Variants in MGST1 observed in about 807,000 individuals in gnomAD.
MGST1 encodes glutathione S-transferase 12.
A neutral mutation model predicts 8.9 loss-of-function variants in MGST1; 5 were observed. The observed-to-expected ratio is 0.56, with a 90% CI of 0.29 to 1.19. The LOEUF is 1.19. Among genes scored for constraint, MGST1 ranks in the 50% most tolerant of loss-of-function variants. The probability of loss-of-function intolerance (pLI) is 0.08; values close to 1 mark genes in which losing one functional copy is unlikely to be tolerated. For synonymous variants in MGST1, 54 were observed against 67.8 expected (o/e 0.80, Z 1.00); for missense variants, 182 against 187.4 (o/e 0.97, Z 0.17).
At chr12:16,378,355 T>C (rs1352376186), downstream of MGST1, among the ~76,000 whole-genome samples, 4 of 151,848 alleles carry the variant, frequency 2.6e-5, no homozygotes, top group African/African-American at 9.7e-5. Flanking sequence ...AGTTTCAGCT[T>C]TCTACATATG....
intron 4 of MGST1, among the ~76,000 whole-genome samples, chr12:16,505,227 C>T (rs925130538): frequency 6.6e-6 from 1 of 152,202 alleles, no homozygotes; most frequent in South Asian, 2.1e-4. Context: ...TAATGAGAGG[C>T]AGCAATACTT....
intron 4 of MGST1, among the ~76,000 whole-genome samples, chr12:16,464,017 T>C (rs1418487944): frequency 6.6e-6 from 1 of 152,224 alleles, no homozygotes; most frequent in Non-Finnish European, 1.5e-5. Flanking sequence ...CTCAGTAGGC[T>C]GGGTTCGAAT....
chr12:16,431,672 C>T (rs1331245704), intron 1 of MGST1, among the ~76,000 whole-genome samples: 1 of 151,992 alleles, frequency 6.6e-6, no homozygotes, highest in Non-Finnish European at 1.5e-5. Context: ...TCACAGATCA[C>T]AGCAGATATA....
intron 4 of MGST1, among the ~76,000 whole-genome samples, chr12:16,519,672 A>C (rs1027473794): frequency 5.3e-5 from 8 of 152,068 alleles, no homozygotes; most frequent in Non-Finnish European, 1.2e-4. Context: ...AGCTGACTAC[A>C]ACTCTGTCTT....
At chr12:16,434,676 T>C (rs1458886032) in intron 1 of MGST1, among the ~76,000 whole-genome samples, 1 of 152,058 alleles carries the variant, frequency 6.6e-6, no homozygotes, top group Admixed American at 6.6e-5. Context: ...CTTTTCTTTT[T>C]TTTATTTTTC....
At chr12:16,568,700 A>G (rs756270876) in intron 4 of MGST1, among the ~76,000 whole-genome samples, 6 of 152,238 alleles carry the variant, frequency 3.9e-5, no homozygotes, top group Non-Finnish European at 7.3e-5. Context: ...AACTAATTTC[A>G]CCTTTAAAAC....
chr12:16,504,313 C>G (rs1591746885), intron 4 of MGST1, among the ~76,000 whole-genome samples: 1 of 152,282 alleles, frequency 6.6e-6, no homozygotes, highest in South Asian at 2.1e-4. Flanking sequence ...AAAAGGAGAT[C>G]CTGTTCAAAA....
intron 1 of MGST1, among the ~76,000 whole-genome samples, chr12:16,387,588 GCT>G (rs1481155166): frequency 2.0e-5 from 3 of 151,670 alleles, no homozygotes; most frequent in South Asian, 2.1e-4. Context: ...GTGCAGTGGG[GCT>G]ATCTCGGCTC....
rs715453 is a variant in MGST1 at position 16,458,432 on chromosome 12, C to G, written n.482+74828C>G. ...AGAGTTCTCCAAACTAAATTGTACT[C>G]TGAAGCCCTTGCTGGATTCCTGCAA... On this transcript the variant is annotated intron_variant and non_coding_transcript_variant, in intron 4 of 4. Transcript: ENST00000538857. This position sits in a 1 kb window ranked among gnomAD's most constrained non-coding sequence, Gnocchi z 4.0. Among the ~76,000 whole-genome samples, 1,404 of 152,128 alleles carry G rather than the reference C, an allele frequency of 9.2e-3. 83 individuals are homozygous for G. The East Asian group carries it at 0.17, about 19-fold the overall frequency.
chr12:16,358,246 A>G (rs1400714220), intron 3 of MGST1, among the ~76,000 whole-genome samples: 1 of 152,184 alleles, frequency 6.6e-6, no homozygotes, highest in African/African-American at 2.4e-5. Context: ...TCACCCAGGT[A>G]GTGAGCATAG....
intron 4 of MGST1, among the ~76,000 whole-genome samples, chr12:16,507,234 C>T (rs1045627100): frequency 6.6e-6 from 1 of 152,050 alleles, no homozygotes; most frequent in Non-Finnish European, 1.5e-5. Flanking sequence ...AACATTGGGC[C>T]AATGTGTTTG....
chr12:16,444,423 C>G (rs912651504), intron 4 of MGST1, among the ~76,000 whole-genome samples: 4 of 151,830 alleles, frequency 2.6e-5, no homozygotes, highest in Non-Finnish European at 5.9e-5. Flanking sequence ...CCTCAACTCA[C>G]AATACTTTTT....
At chr12:16,400,791 T>A in intron 1 of MGST1, 2 of 1,243,674 alleles carry the variant, frequency 1.6e-6, no homozygotes, top group Non-Finnish European at 2.4e-6. Context: ...GGTGTTGCAA[T>A]GCCAAACACA....
chr12:16,410,869 G>T lies in MGST1; in HGVS notation n.779-26519G>T, dbSNP rs1197968274. ...GTTTGACTCCATTTTTTCCCAAGAT[G>T]TTCCAGAATCACTATTTCTCTTGCT... On this transcript the variant is annotated intron_variant and non_coding_transcript_variant, in intron 1 of 1. Transcript: ENST00000359720. The surrounding 1 kb of genome is among the most constrained non-coding windows in gnomAD (Gnocchi z 4.4). 6.6e-6 allele frequency among the ~76,000 whole-genome samples: 1 copy of T among 151,888 alleles called. No individual in the cohort carries two copies. Among genetic ancestry groups the T allele is most frequent in the Non-Finnish European group, 1.5e-5 (1 of 67,950 alleles).
intron 1 of MGST1, among the ~76,000 whole-genome samples, chr12:16,418,114 A>C (rs1397097961): frequency 6.6e-6 from 1 of 152,164 alleles, no homozygotes; most frequent in African/African-American, 2.4e-5. Flanking sequence ...AAGGGAACTC[A>C]CAATTACTGA....
intron 4 of MGST1, among the ~76,000 whole-genome samples, chr12:16,459,130 GTTTA>G (rs1941201128): frequency 6.6e-6 from 1 of 152,044 alleles, no homozygotes; most frequent in Non-Finnish European, 1.5e-5. Context: ...AAATTATTCT[GTTTA>G]TTTTTCTAAA....
chr12:16,402,324 G>A (rs1004652566), intron 1 of MGST1: 1 of 1,596,424 alleles, frequency 6.3e-7, no homozygotes, highest in Non-Finnish European at 8.6e-7. Context: ...TGCAACAATG[G>A]CTCAACGTTG....
chr12:16,557,616 T>G (rs1468859), intron 4 of MGST1, among the ~76,000 whole-genome samples: 1 of 152,082 alleles, frequency 6.6e-6, no homozygotes, highest in East Asian at 1.9e-4. Flanking sequence ...AGCAAGAAAC[T>G]CTATTGTGAT....
Position 16,517,002 on chromosome 12 carries a change from T to A in MGST1, n.483-72526T>A, listed in dbSNP as rs979222529. Among the ~76,000 whole-genome samples the A allele has an allele frequency of 2.0e-5, 3 of 152,218 alleles. No homozygotes were observed. Among genetic ancestry groups the A allele is most frequent in the Non-Finnish European group, 4.4e-5 (3 of 68,046 alleles). On this transcript the variant is annotated intron_variant and non_coding_transcript_variant, in intron 4 of 4. Transcript: ENST00000538857. This position sits in a 1 kb window ranked among gnomAD's most constrained non-coding sequence, Gnocchi z 4.2. ...TATTTGATTTAGCTCTACATTTTTC[T>A]TATCCCAGAGGCTGACAGTTTTCAG... is the stretch of plus-strand genomic sequence containing the variant.
Sources: allele counts gnomAD v4.1 joint callset (sites outside exome capture counted in the v4.1 genomes callset), GRCh38; gene constraint gnomAD v4.1.1; non-coding constraint Gnocchi (gnomAD v3.1); transcripts MANE v1.5; gene names NCBI Gene and HGNC (gene_info 2026-07-23, HGNC 2026-07-21).